The following ADGRB3 variants were observed in gnomAD, a reference collection of about 807,000 sequenced individuals.
ADGRB3 encodes adhesion G protein-coupled receptor B3.
In ADGRB3, 37 loss-of-function variants were observed where a neutral mutation model predicts 193.4. The ratio of observed to expected loss-of-function variants is 0.19; its 90% CI spans 0.15 to 0.25. The LOEUF is 0.25. Among genes scored for constraint, ADGRB3 ranks in the 10% least tolerant of loss-of-function variants. The pLI, the probability that ADGRB3 is intolerant of heterozygous loss-of-function variation, is 1.00. For synonymous variants in ADGRB3, 690 were observed against 644.2 expected (o/e 1.07, Z -1.08); for missense variants, 1,637 against 1,852.9 (o/e 0.88, Z 2.14).
intron 3 of ADGRB3, among the ~76,000 whole-genome samples, chr6:68,849,771 A>G (rs946033070): frequency 6.6e-6 from 1 of 151,916 alleles, no homozygotes; most frequent in Non-Finnish European, 1.5e-5. Context: ...GTTTGGATGG[A>G]TAGCTGGATG....
At chr6:69,226,794 A>G (rs1582559843) in intron 17 of ADGRB3, among the ~76,000 whole-genome samples, 1 of 152,218 alleles carries the variant, frequency 6.6e-6, no homozygotes, top group South Asian at 2.1e-4. Flanking sequence ...TAACCTCACT[A>G]ACATGTCTAG....
intron 20 of ADGRB3, among the ~76,000 whole-genome samples, chr6:69,243,822 C>T (rs779456): frequency 0.17 from 26,380 of 151,850 alleles, 2,504 homozygotes; most frequent in African/African-American, 0.22. Context: ...TTCTTGGACT[C>T]CTCCTAGAAT....
intron 3 of ADGRB3, among the ~76,000 whole-genome samples, chr6:68,809,482 G>C (rs1174209955): frequency 6.6e-6 from 1 of 152,156 alleles, no homozygotes; most frequent in Non-Finnish European, 1.5e-5. Context: ...TGGCTGATTT[G>C]ATTATTGTTA....
chr6:69,211,388 A>G (rs193086416), intron 17 of ADGRB3, among the ~76,000 whole-genome samples: 1 of 152,262 alleles, frequency 6.6e-6, no homozygotes, highest in East Asian at 1.9e-4. Flanking sequence ...GATGAAAGAC[A>G]ATAAGATTTG....
intron 10 of ADGRB3, among the ~76,000 whole-genome samples, chr6:68,987,735 G>A (rs1769120150): frequency 6.6e-6 from 1 of 152,080 alleles, no homozygotes; most frequent in Non-Finnish European, 1.5e-5. Flanking sequence ...TCCTTCATCT[G>A]TAAATGTGAA....
In ADGRB3 at chr6:69,153,702, G is replaced by A. The variant is rs962385048; in HGVS notation, c.2480+77664G>A. On this transcript the variant is annotated intron_variant, in intron 17 of 31. Coordinates refer to ENST00000370598, the MANE Select transcript of ADGRB3 (RefSeq NM_001704.3). ...AAAGTTTCATATTAATATTTGGTAA[G>A]AGCCTAATTACTTTAGAAACATAAG... 9.9e-5 allele frequency among the ~76,000 whole-genome samples: 15 copies of A among 152,142 alleles called. No individual in the cohort carries two copies. The East Asian group carries it at 2.7e-3, about 27-fold the overall frequency.
intron 3 of ADGRB3, among the ~76,000 whole-genome samples, chr6:68,747,257 T>C (rs1483847312): frequency 6.6e-6 from 1 of 152,154 alleles, no homozygotes; most frequent in Admixed American, 6.5e-5. Flanking sequence ...TCAAGCTATA[T>C]GGACAAAAGA....
intron 17 of ADGRB3, among the ~76,000 whole-genome samples, chr6:69,083,088 G>A (rs553506869): frequency 3.9e-4 from 60 of 152,140 alleles, no homozygotes; most frequent in African/African-American, 1.3e-3. Flanking sequence ...TATTCAAATG[G>A]GAAAGTTGAT....
At chr6:69,175,738 A>G (rs1269638868) in intron 17 of ADGRB3, among the ~76,000 whole-genome samples, 1 of 152,216 alleles carries the variant, frequency 6.6e-6, no homozygotes, top group Non-Finnish European at 1.5e-5. Flanking sequence ...CAGTATGGCC[A>G]TTATAGTGAT....
chr6:68,881,271 T>A (rs1765722405), intron 3 of ADGRB3, among the ~76,000 whole-genome samples: 3 of 152,106 alleles, frequency 2.0e-5, no homozygotes, highest in African/African-American at 7.2e-5. Flanking sequence ...AAATCTTGCC[T>A]CCTTCTCATA....
rs1436993655 is a variant in ADGRB3, at chr6:68,775,189, T to TA, written c.757+135758dup. On this transcript the variant is annotated intron_variant, in intron 3 of 31. Transcript: ENST00000370598. The stretch of plus-strand genomic sequence containing the variant: ...CTTTTAATGTTAGTTTTCTTGTGAC[T>TA]ACCCACTTCAACTCCAGTCTGCATT... Among the ~76,000 whole-genome samples the TA allele has an allele frequency of 1.9e-4, 28 of 150,090 alleles. 1 individual carries two copies. Among genetic ancestry groups the TA allele is most frequent in the Admixed American group, 4.0e-4 (6 of 15,022 alleles).
At chr6:68,861,975 A>G (rs1178260714) in intron 3 of ADGRB3, among the ~76,000 whole-genome samples, 1 of 152,186 alleles carries the variant, frequency 6.6e-6, no homozygotes, top group Non-Finnish European at 1.5e-5. Flanking sequence ...TATTGTCATT[A>G]TCATTACTAT....
chr6:68,660,463 A>G (rs1039321159), intron 3 of ADGRB3, among the ~76,000 whole-genome samples: 2 of 150,968 alleles, frequency 1.3e-5, no homozygotes, highest in African/African-American at 4.8e-5. Flanking sequence ...ATCATTATAC[A>G]CACAATTACC....
At chr6:68,848,309 A>G (rs1038837555) in intron 3 of ADGRB3, among the ~76,000 whole-genome samples, 8 of 152,076 alleles carry the variant, frequency 5.3e-5, no homozygotes, top group Non-Finnish European at 8.8e-5. Flanking sequence ...AACACAATCT[A>G]TTATCCCTAT....
intron 6 of ADGRB3, among the ~76,000 whole-genome samples, chr6:68,948,143 A>G (rs888371611): frequency 6.6e-6 from 1 of 152,180 alleles, no homozygotes; most frequent in Non-Finnish European, 1.5e-5. Context: ...GTAAAGAAAT[A>G]GCAGTCACTA....
At chr6:69,188,750 TA>T (rs1443626615) in intron 17 of ADGRB3, among the ~76,000 whole-genome samples, 2 of 152,184 alleles carry the variant, frequency 1.3e-5, no homozygotes, top group Non-Finnish European at 2.9e-5. Context: ...CTGGGCTTAA[TA>T]TTTTTTTTAA....
chr6:68,775,650 A>C (rs1037003938), intron 3 of ADGRB3, among the ~76,000 whole-genome samples: 6 of 152,100 alleles, frequency 3.9e-5, no homozygotes, highest in African/African-American at 1.4e-4. Flanking sequence ...CTTCTCTGAG[A>C]TTTCAAAACA....
At chr6:68,649,609 A>C (rs887658072) in intron 3 of ADGRB3, among the ~76,000 whole-genome samples, 2 of 152,234 alleles carry the variant, frequency 1.3e-5, no homozygotes, top group African/African-American at 4.8e-5. Context: ...TTTAAAGAGC[A>C]TGTATTTCAA....
At chr6:68,838,367 T>G (rs1452447340) in intron 3 of ADGRB3, among the ~76,000 whole-genome samples, 1 of 152,224 alleles carries the variant, frequency 6.6e-6, no homozygotes, top group African/African-American at 2.4e-5. Context: ...TGAGGTTATA[T>G]GCAGCAATTT....
Sources: gnomAD v4.1 joint callset for allele counts (sites outside exome capture counted in the v4.1 genomes callset) on GRCh38, gnomAD v4.1.1 for gene constraint, MANE v1.5 for transcripts, NCBI Gene and HGNC (gene_info 2026-07-23, HGNC 2026-07-21) for gene names.